The following TSG101 variants were observed in gnomAD, a reference collection of about 807,000 sequenced individuals.
TSG101 encodes the protein tumor susceptibility gene 101 protein.
Under a neutral mutation model 48.5 loss-of-function variants are expected in TSG101, and 19 were observed. That is an observed-to-expected ratio of 0.39 (90% CI 0.27 to 0.58). TSG101 has a LOEUF of 0.58. Among genes scored for constraint, TSG101 ranks in the 20% least tolerant of loss-of-function variants. TSG101 has a pLI of 0.55. For missense variants in TSG101, 365 were observed against 484.4 expected (o/e 0.75, Z 2.31); for synonymous variants, 174 against 169.4 (o/e 1.03, Z -0.21).
intron 7 of TSG101, among the ~76,000 whole-genome samples, chr11:18,493,632 G>T (rs571606918): frequency 1.4e-4 from 21 of 152,210 alleles, no homozygotes; most frequent in Admixed American, 6.5e-4. Flanking sequence ...GCAAACTATG[G>T]AGCCCAAGTA....
intron 1 of TSG101, among the ~76,000 whole-genome samples, chr11:18,524,885 G>A (rs1850340725): frequency 6.6e-6 from 1 of 151,094 alleles, no homozygotes; most frequent in South Asian, 2.1e-4. Context: ...CTCTTTATAT[G>A]AATATACATA....
intron 7 of TSG101, among the ~76,000 whole-genome samples, chr11:18,495,772 G>A (rs1473645560): frequency 6.6e-6 from 1 of 151,382 alleles, no homozygotes; most frequent in Non-Finnish European, 1.5e-5. Flanking sequence ...TGTAAACTGA[G>A]GTTGAAGATG....
At chr11:18,495,474 A>G (rs868069) in intron 7 of TSG101, among the ~76,000 whole-genome samples, 55,966 of 151,504 alleles carry the variant, frequency 0.37, 10,868 homozygotes, top group East Asian at 0.67. Context: ...CTCTTTTTTT[A>G]CCAGGGGCAG....
intron 7 of TSG101, among the ~76,000 whole-genome samples, chr11:18,485,718 C>T (rs996227853): frequency 2.0e-5 from 3 of 152,172 alleles, no homozygotes; most frequent in Non-Finnish European, 2.9e-5. Flanking sequence ...ACTGCTGAAG[C>T]TCTACTGCTT....
rs754466530 is a variant in TSG101, at chr11:18,516,172, G to GA, written c.128-9dup. The GA allele has an allele frequency of 8.1e-6, 13 of 1,612,932 alleles. No individual in the cohort carries two copies. The South Asian group carries it at 1.3e-4, about 16-fold the overall frequency. Reference sequence around the variant, plus strand: ...AACTGCCATCGTTAAAAACTGAAAGGAAAGAACAATGATTTAATCATGAGC... The same window carrying GA: ...AACTGCCATCGTTAAAAACTGAAAGGAAAAGAACAATGATTTAATCATGAGC... On this transcript the variant is annotated splice_polypyrimidine_tract_variant and intron_variant, in intron 2 of 9. Transcript: ENST00000251968.
At chr11:18,519,488 A>C in intron 2 of TSG101, 31 bp downstream of exon 2, 3 of 1,503,418 alleles carry the variant, frequency 2.0e-6, no homozygotes, top group Non-Finnish European at 2.8e-6. Context: ...CTCAAAGTAT[A>C]GAAATTGCTA....
chr11:18,523,647 C>T (rs762669001), intron 1 of TSG101, among the ~76,000 whole-genome samples: 26 of 152,032 alleles, frequency 1.7e-4, no homozygotes, highest in Non-Finnish European at 2.5e-4. Flanking sequence ...GGATTACAGG[C>T]GTGCGCCACC....
intron 7 of TSG101, among the ~76,000 whole-genome samples, chr11:18,487,644 G>T (rs1849638938): frequency 6.6e-6 from 1 of 152,090 alleles, no homozygotes; most frequent in South Asian, 2.1e-4. Flanking sequence ...GGGATTACAG[G>T]CATGAGCCAC....
At chr11:18,491,627 A>T (rs1411070836) in intron 7 of TSG101, among the ~76,000 whole-genome samples, 1 of 152,242 alleles carries the variant, frequency 6.6e-6, no homozygotes, top group Non-Finnish European at 1.5e-5. Context: ...TGAGTATAAT[A>T]GCTTTCAGTG....
At chr11:18,493,110 T>C (rs1009778437) in intron 7 of TSG101, among the ~76,000 whole-genome samples, 2 of 152,218 alleles carry the variant, frequency 1.3e-5, no homozygotes, top group South Asian at 2.1e-4. Context: ...AGAGTCAGAT[T>C]TCAAAAGTGC....
intron 5 of TSG101, chr11:18,508,407 C>T (rs1850012927): frequency 6.6e-6 from 1 of 151,864 alleles, no homozygotes; most frequent in Admixed American, 6.6e-5. Flanking sequence ...GTTGGCCAAG[C>T]TGGTCTTGAA....
intron 1 of TSG101, chr11:18,525,700 T>C (rs763925768): frequency 1.7e-5 from 17 of 984,640 alleles, no homozygotes; most frequent in Non-Finnish European, 1.9e-5. Context: ...ATGTCTTCTA[T>C]AACTAAGGAT....
intron 4 of TSG101, among the ~76,000 whole-genome samples, chr11:18,514,270 T>C (rs1358716017): frequency 2.0e-5 from 3 of 152,192 alleles, no homozygotes; most frequent in Middle Eastern, 3.2e-3. Context: ...TTATTTTTCA[T>C]AGGAACATTA....
intron 1 of TSG101, among the ~76,000 whole-genome samples, chr11:18,526,084 T>C (rs1226489336): frequency 6.6e-6 from 1 of 151,636 alleles, no homozygotes; most frequent in Non-Finnish European, 1.5e-5. Flanking sequence ...AGTAATTATA[T>C]AAATAAATCA....
chr11:18,484,928 T>C (rs1849596583), intron 7 of TSG101, among the ~76,000 whole-genome samples: 1 of 138,318 alleles, frequency 7.2e-6, no homozygotes, highest in South Asian at 2.3e-4. Flanking sequence ...TTAACCTTAA[T>C]TGCCGCCTTT....
chr11:18,489,361 A>G (rs1482843704), intron 7 of TSG101, among the ~76,000 whole-genome samples: 2 of 152,140 alleles, frequency 1.3e-5, no homozygotes, highest in African/African-American at 2.4e-5. Context: ...CGGCCTCCCA[A>G]GTAGTTGGGA....
intron 7 of TSG101, chr11:18,490,671 C>T (rs189665361): frequency 1.1e-5 from 5 of 444,784 alleles, no homozygotes; most frequent in East Asian, 1.0e-4. Context: ...AGCTCCAGAA[C>T]GTCATTGCAG....
At chr11:18,497,560 C>T (rs1849803092) in intron 7 of TSG101, among the ~76,000 whole-genome samples, 1 of 151,904 alleles carries the variant, frequency 6.6e-6, no homozygotes, top group South Asian at 2.1e-4. Flanking sequence ...TAAAAAAATG[C>T]TTCGTACCTA....
In TSG101 at chr11:18,514,957, C is replaced by G. The variant is rs955359716; in HGVS notation, c.194-116G>C. 1.8e-5 allele frequency: 17 copies of G among 928,100 alleles called. No homozygotes were observed. In the East Asian group the frequency reaches 4.1e-4, roughly 23 times the overall value. 57.5% of individuals were successfully genotyped at this position (928,100 alleles called of 1,614,324 possible). ...ATTTATACATATATCCGCATCCCCC[C>G]CATTCCTATTTCCCCCAGCAGAATT... On this transcript the variant is annotated intron_variant, in intron 3 of 9. Transcript: ENST00000251968.
Sources: allele counts gnomAD v4.1 joint callset (sites outside exome capture counted in the v4.1 genomes callset), GRCh38; gene constraint gnomAD v4.1.1; transcripts MANE v1.5; gene names NCBI Gene and HGNC (gene_info 2026-07-23, HGNC 2026-07-21).